The following USP15 variants were observed in gnomAD, a reference collection of about 807,000 sequenced individuals.
The protein encoded by USP15 is ubiquitin specific peptidase 15, also known as ubiquitin carboxyl-terminal hydrolase 15.
In USP15, 18 loss-of-function variants were observed where a neutral mutation model predicts 127.1. The ratio of observed to expected loss-of-function variants is 0.14; its 90% CI spans 0.10 to 0.21. USP15 has a LOEUF of 0.21. Ranked by LOEUF, USP15 falls within the 10% of genes least tolerant of loss-of-function variation. USP15 has a pLI of 1.00. For synonymous variants in USP15, 364 were observed against 393.7 expected (o/e 0.92, Z 0.89); for missense variants, 805 against 1,159.9 (o/e 0.69, Z 4.44).
chr12:62,314,912 A>G lies in USP15; in HGVS notation c.471A>G (p.Thr157=), dbSNP rs941303357. The G allele has an allele frequency of 6.3e-7, 1 of 1,577,156 alleles. No homozygotes were observed. The highest frequency in any genetic ancestry group is 8.6e-7 in the Non-Finnish European group (1 of 1,162,162). Reference sequence around the variant, plus strand: ...CTCGAAGATTTAGCAAAGCTGACACAATAGGTAATGCAAGATCCTGTCTTG... The same window carrying G: ...CTCGAAGATTTAGCAAAGCTGACACGATAGGTAATGCAAGATCCTGTCTTG... ...VVTRRFSKAD[T]IDTIEKEIRK... Residue 157 remains threonine, a synonymous_variant, in exon 4 of 22, where the codon ACA becomes ACG. Coordinates refer to ENST00000280377, the MANE Select transcript of USP15 (RefSeq NM_001252078.2).
intron 9 of USP15, 41 bp downstream of exon 9, chr12:62,381,704 G>A (rs1036948410): frequency 8.9e-6 from 14 of 1,576,298 alleles, no homozygotes; most frequent in Non-Finnish European, 1.2e-5. Flanking sequence ...TACCTGCAAG[G>A]GTACAAAAGT....
In USP15 at chr12:62,365,283, G is replaced by T. The variant is rs546531251; in HGVS notation, c.915+9808G>T. Among the ~76,000 whole-genome samples the T allele has an allele frequency of 3.5e-4, 53 of 152,168 alleles. 1 individual carries two copies. In the South Asian group the frequency reaches 9.1e-3, roughly 26 times the overall value. On this transcript the variant is annotated intron_variant, in intron 8 of 21. Coordinates refer to ENST00000280377, the MANE Select transcript of USP15 (RefSeq NM_001252078.2). ...TGAGATGGTATCTCATTGTGATTTT[G>T]ATTTGCATTTCTCTAATGACCAGTG...
intron 1 of USP15, among the ~76,000 whole-genome samples, chr12:62,262,674 C>T (rs1490572459): frequency 4.0e-5 from 6 of 151,786 alleles, no homozygotes; most frequent in Admixed American, 2.0e-4. Context: ...TGTGTGTGTG[C>T]GTGTATAGCT....
intron 6 of USP15, among the ~76,000 whole-genome samples, chr12:62,339,726 G>C (rs2065589351): frequency 6.6e-6 from 1 of 152,132 alleles, no homozygotes; most frequent in Non-Finnish European, 1.5e-5. Context: ...TGCATCCCAG[G>C]GATGAAGCTC....
chr12:62,401,746 ATACTTGTG>A (rs1408714940), intron 21 of USP15, among the ~76,000 whole-genome samples: 10 of 151,918 alleles, frequency 6.6e-5, no homozygotes, highest in African/African-American at 2.4e-4. Flanking sequence ...TAAAAGATTA[ATACTTGTG>A]TACTTACTAC....
At chr12:62,333,541 T>C (rs1181458226) in intron 6 of USP15, among the ~76,000 whole-genome samples, 1 of 152,070 alleles carries the variant, frequency 6.6e-6, no homozygotes, top group East Asian at 1.9e-4. Flanking sequence ...GTCTGCCCAC[T>C]TCAGCCTCCC....
At chr12:62,389,544 A>C in intron 12 of USP15, 30 bp downstream of exon 12, 2 of 1,612,116 alleles carry the variant, frequency 1.2e-6, no homozygotes, top group Non-Finnish European at 1.7e-6. Context: ...GAAGTATATA[A>C]GTTGGTATTT....
chr12:62,380,174 C>A (rs991091663), intron 8 of USP15, among the ~76,000 whole-genome samples: 33 of 151,816 alleles, frequency 2.2e-4, no homozygotes, highest in African/African-American at 8.0e-4. Flanking sequence ...AACCAGTTGT[C>A]CCTTTTGCCT....
chr12:62,301,969 G>C (rs1215696559), intron 2 of USP15, among the ~76,000 whole-genome samples: 2 of 152,208 alleles, frequency 1.3e-5, no homozygotes, highest in African/African-American at 4.8e-5. Flanking sequence ...GATTAGGACT[G>C]TGATGTAGGT....
rs796913234 is a variant in USP15, at chr12:62,406,774, A to G, written c.*2399A>G. 4 of 152,354 alleles carry G rather than the reference A, an allele frequency of 2.6e-5. No homozygotes were observed. Among genetic ancestry groups the G allele is most frequent in the African/African-American group, 9.6e-5 (4 of 41,542 alleles). 9.4% of individuals were successfully genotyped at this position (152,354 alleles called of 1,614,324 possible). ...CAGGAGTTTGAGACCAGCCTGAGTA[A>G]CATAGTGAGAACCTCATCTGTACAA... On this transcript the variant is annotated 3_prime_UTR_variant, in exon 22 of 22. Coordinates refer to ENST00000280377, the MANE Select transcript of USP15 (RefSeq NM_001252078.2).
At chr12:62,293,246 C>G (rs73319579) in intron 1 of USP15, among the ~76,000 whole-genome samples, 3,029 of 152,246 alleles carry the variant, frequency 0.02, 94 homozygotes, top group African/African-American at 0.069. Context: ...CCCAGCCACT[C>G]TTTTTTGGCC....
chr12:62,415,527 G>A lies in USP15; in HGVS notation c.*11152G>A, dbSNP rs1037341289. The A allele has an allele frequency of 1.3e-5, 2 of 152,176 alleles. No individual in the cohort carries two copies. The highest frequency in any genetic ancestry group is 4.8e-5 in the African/African-American group (2 of 41,426). The allele number at this position is 152,176 out of a possible 1,614,324, so 9.4% of individuals were successfully genotyped here. On this transcript the variant is annotated 3_prime_UTR_variant, in exon 22 of 22. Coordinates refer to ENST00000280377, the MANE Select transcript of USP15 (RefSeq NM_001252078.2). ...AGTGGTTTGGACCATAGGCTCAGGAGTTAAACCACCTCTGAGCCTACCACT... is the reference window on the plus strand; with the variant it reads ...AGTGGTTTGGACCATAGGCTCAGGAATTAAACCACCTCTGAGCCTACCACT...
chr12:62,315,554 A>G (rs891311724), intron 4 of USP15, among the ~76,000 whole-genome samples: 3 of 152,156 alleles, frequency 2.0e-5, no homozygotes, highest in African/African-American at 7.2e-5. Context: ...GTTTCATAAA[A>G]CTCAAGAATT....
At chr12:62,298,555 A>T (rs531912142) in intron 2 of USP15, among the ~76,000 whole-genome samples, 2 of 152,112 alleles carry the variant, frequency 1.3e-5, no homozygotes, top group Admixed American at 1.3e-4. Flanking sequence ...AGTCCCATCT[A>T]CTCAGGAGGC....
chr12:62,265,635 C>G (rs2063174556), intron 1 of USP15, among the ~76,000 whole-genome samples: 1 of 152,228 alleles, frequency 6.6e-6, no homozygotes, highest in Admixed American at 6.5e-5. Flanking sequence ...TAGCTTCAAA[C>G]TCCTTGGCTC....
intron 11 of USP15, among the ~76,000 whole-genome samples, chr12:62,388,185 C>T (rs968537501): frequency 8.0e-6 from 1 of 124,938 alleles, no homozygotes; most frequent in African/African-American, 3.0e-5. Flanking sequence ...AGTTGGAGTA[C>T]ATTAGGGTGT....
At chr12:62,262,408 A>G (rs2063093300) in intron 1 of USP15, among the ~76,000 whole-genome samples, 1 of 152,120 alleles carries the variant, frequency 6.6e-6, no homozygotes, top group Admixed American at 6.5e-5. Flanking sequence ...AATTCACCCA[A>G]CCTAGTACCA....
At chr12:62,393,514 G>A (rs144865973) in intron 19 of USP15, 1 of 194,494 alleles carries the variant, frequency 5.1e-6, no homozygotes, top group Non-Finnish European at 1.0e-5. Flanking sequence ...ATGGTACTTA[G>A]TGATTTTGTT....
At chr12:62,328,401 T>G (rs1218310558) in intron 6 of USP15, 3 of 359,570 alleles carry the variant, frequency 8.3e-6, no homozygotes. Context: ...AATAAAGCTT[T>G]CTTTGTAAGT....
Sources: allele counts gnomAD v4.1 joint callset (sites outside exome capture counted in the v4.1 genomes callset), GRCh38; gene constraint gnomAD v4.1.1; transcripts MANE v1.5; gene names NCBI Gene and HGNC (gene_info 2026-07-23, HGNC 2026-07-21).